The following CNTNAP2 variants were observed in gnomAD, a reference collection of about 807,000 sequenced individuals.
The protein encoded by CNTNAP2 is contactin-associated protein-like 2.
CNTNAP2 carries 98 observed loss-of-function variants against 155.2 expected under a neutral mutation model. The ratio of observed to expected loss-of-function variants is 0.63; its 90% confidence interval spans 0.54 to 0.75. The LOEUF is 0.75. Among genes scored for constraint, CNTNAP2 ranks in the 30% least tolerant of loss-of-function variants. The pLI, the probability that CNTNAP2 is intolerant of heterozygous loss-of-function variation, is 0.00. For missense variants in CNTNAP2, 1,727 were observed against 1,688.1 expected, an observed-to-expected ratio of 1.02 and a Z score of -0.40; for synonymous variants, 651 against 631.2, an observed-to-expected ratio of 1.03 and a Z score of -0.47.
chr7:146,274,655 G>T (rs1312391317), intron 1 of CNTNAP2, among the ~76,000 whole-genome samples: 1 of 152,134 alleles, frequency 6.6e-6, no homozygotes, highest in Non-Finnish European at 1.5e-5. Context: ...CCCAGGAGAG[G>T]CAGGGTAAGC....
At chr7:146,413,518 A>C (rs1028603324) in intron 1 of CNTNAP2, among the ~76,000 whole-genome samples, 5 of 152,256 alleles carry the variant, frequency 3.3e-5, no homozygotes, top group African/African-American at 1.2e-4. Flanking sequence ...TCATCTGGGC[A>C]GGTTGAAAAT....
chr7:146,447,557 CATTA>C (rs1455298095), intron 1 of CNTNAP2, among the ~76,000 whole-genome samples: 2 of 151,892 alleles, frequency 1.3e-5, no homozygotes, highest in Non-Finnish European at 2.9e-5. Context: ...TTTTCTTTGA[CATTA>C]CATAAACCAA....
Position 148,313,351 on chromosome 7 carries a change from T to C in CNTNAP2, c.3475+46225T>C, listed in dbSNP as rs183005143. Among the ~76,000 whole-genome samples the C allele has an allele frequency of 1.3e-3, 202 of 149,888 alleles. 1 individual carries two copies. The highest frequency in any genetic ancestry group is 2.0e-3 in the Non-Finnish European group (137 of 67,390). On this transcript the variant is annotated intron_variant, in intron 21 of 23. Transcript: ENST00000361727. Reference sequence around the variant, plus strand: ...TAAGCCAAGAAGATCTGGGAAGGAGTCAGAGAGCCTTAGGCCAGAGTTCCA... The same window carrying C: ...TAAGCCAAGAAGATCTGGGAAGGAGCCAGAGAGCCTTAGGCCAGAGTTCCA...
rs1165208618 is a variant in CNTNAP2 at position 146,693,477 on chromosome 7, T to C, written c.98-80794T>C. ...CTTATTGTACATGTGTTGTTATTATTGAAAATTTTTGAGACATTAATAGTA... is the reference window on the plus strand; with the variant it reads ...CTTATTGTACATGTGTTGTTATTATCGAAAATTTTTGAGACATTAATAGTA... On this transcript the variant is annotated intron_variant, in intron 1 of 23. Transcript: ENST00000361727. Among the ~76,000 whole-genome samples, 3 of 152,138 alleles carry C rather than the reference T, an allele frequency of 2.0e-5. No homozygotes were observed. The East Asian group carries it at 5.8e-4, about 29-fold the overall frequency.
At chr7:148,313,170 A>T (rs1797625568) in intron 21 of CNTNAP2, among the ~76,000 whole-genome samples, 1 of 151,532 alleles carries the variant, frequency 6.6e-6, no homozygotes, top group South Asian at 2.1e-4. Flanking sequence ...CAAGGGAAAC[A>T]GGCCCTTGAA....
chr7:147,248,956 T>G (rs771164828), intron 8 of CNTNAP2, among the ~76,000 whole-genome samples: 4 of 152,176 alleles, frequency 2.6e-5, no homozygotes, highest in Non-Finnish European at 5.9e-5. Context: ...CTGGCCTTAA[T>G]GGTCCACTGA....
At chr7:147,484,686 G>C (rs1798481452) in intron 10 of CNTNAP2, among the ~76,000 whole-genome samples, 1 of 152,238 alleles carries the variant, frequency 6.6e-6, no homozygotes, top group South Asian at 2.1e-4. Flanking sequence ...CCAGCTACAG[G>C]TGGTTTTAGG....
chr7:147,983,893 C>G (rs1801574755), intron 15 of CNTNAP2, among the ~76,000 whole-genome samples: 1 of 152,112 alleles, frequency 6.6e-6, no homozygotes, highest in Non-Finnish European at 1.5e-5. Flanking sequence ...GGTGCTTAGA[C>G]TCTCAGTAAA....
intron 21 of CNTNAP2, among the ~76,000 whole-genome samples, chr7:148,325,360 A>G (rs984973738): frequency 2.0e-5 from 3 of 148,086 alleles, no homozygotes; most frequent in African/African-American, 8.0e-5. Context: ...CATAGATTTA[A>G]TCTGAGATTC....
intron 1 of CNTNAP2, among the ~76,000 whole-genome samples, chr7:146,343,916 T>G (rs543406385): frequency 6.6e-6 from 1 of 152,112 alleles, no homozygotes; most frequent in Admixed American, 6.5e-5. Flanking sequence ...AATTGTACAG[T>G]AATTTTTCTG....
intron 1 of CNTNAP2, among the ~76,000 whole-genome samples, chr7:146,501,469 C>T (rs987274104): frequency 4.6e-5 from 7 of 151,994 alleles, no homozygotes; most frequent in African/African-American, 1.7e-4. Context: ...GGAATTTGCC[C>T]ATTTTCCCCA....
In CNTNAP2 at chr7:147,769,987, G is replaced by A. The variant is rs148034574; in HGVS notation, c.2098+130681G>A. Among the ~76,000 whole-genome samples, 511 of 152,128 alleles carry A rather than the reference G, an allele frequency of 3.4e-3. 6 individuals are homozygous for A. The highest frequency in any genetic ancestry group is 0.011 in the African/African-American group (473 of 41,538). ...TATTTTGACTCTACTGACTTTTTTC[G>A]TTTATTTTTCCTCAACAAAGAGGAC... On this transcript the variant is annotated intron_variant, in intron 13 of 23. Transcript: ENST00000361727.
At chr7:148,181,249 C>G (rs966973692) in intron 18 of CNTNAP2, among the ~76,000 whole-genome samples, 2 of 152,148 alleles carry the variant, frequency 1.3e-5, no homozygotes, top group African/African-American at 4.8e-5. Flanking sequence ...CCTAAGAAAT[C>G]CCCTCTCGTA....
intron 10 of CNTNAP2, among the ~76,000 whole-genome samples, chr7:147,460,145 GAA>G (rs1584960647): frequency 6.6e-6 from 1 of 152,100 alleles, no homozygotes; most frequent in East Asian, 1.9e-4. Flanking sequence ...AAAAAAGAAA[GAA>G]GAGGAAAAAT....
intron 1 of CNTNAP2, among the ~76,000 whole-genome samples, chr7:146,707,810 C>T (rs1800992061): frequency 6.6e-6 from 1 of 152,130 alleles, no homozygotes; most frequent in African/African-American, 2.4e-5. Context: ...TAAGAATGTG[C>T]ATCTGTAATC....
At chr7:146,913,033 G>A (rs1260472674) in intron 3 of CNTNAP2, among the ~76,000 whole-genome samples, 2 of 152,108 alleles carry the variant, frequency 1.3e-5, no homozygotes, top group East Asian at 3.8e-4. Context: ...ATTGGTTAAT[G>A]GAGTTTATCA....
chr7:146,815,992 A>G (rs905335605), intron 2 of CNTNAP2, among the ~76,000 whole-genome samples: 1 of 152,092 alleles, frequency 6.6e-6, no homozygotes, highest in Non-Finnish European at 1.5e-5. Flanking sequence ...ATTCCCACCT[A>G]TGAGTGAGAA....
intron 4 of CNTNAP2, among the ~76,000 whole-genome samples, chr7:147,060,247 A>G (rs1156714729): frequency 1.3e-5 from 2 of 152,196 alleles, no homozygotes; most frequent in Non-Finnish European, 2.9e-5. Context: ...TTTTCCTAAG[A>G]GTAGTTATTT....
intron 15 of CNTNAP2, among the ~76,000 whole-genome samples, chr7:147,986,725 A>G (rs746072436): frequency 6.6e-6 from 1 of 152,186 alleles, no homozygotes; most frequent in Non-Finnish European, 1.5e-5. Flanking sequence ...GTCTCTGCCT[A>G]TCAACAGCTG....
Sources: gnomAD v4.1 joint callset for allele counts (sites outside exome capture counted in the v4.1 genomes callset) on GRCh38, gnomAD v4.1.1 for gene constraint, MANE v1.5 for transcripts, NCBI Gene and HGNC (gene_info 2026-07-23, HGNC 2026-07-21) for gene names.